The following SYNE1 variants were observed in gnomAD, a reference collection of about 807,000 sequenced individuals.
SYNE1 encodes the protein nesprin-1.
A neutral mutation model predicts 1,111.0 loss-of-function variants in SYNE1; 616 were observed. The observed-to-expected ratio is 0.55, with a 90% CI of 0.52 to 0.59. The LOEUF is 0.59. SYNE1 is among the 20% of genes least tolerant of loss of function. SYNE1 has a pLI of 0.00. For synonymous variants in SYNE1, 3,855 were observed against 3,825.8 expected (o/e 1.01, Z -0.28); for missense variants, 10,006 against 10,417.0 (o/e 0.96, Z 1.72).
At chr6:152,280,171 C>T (rs1302279462) in intron 97 of SYNE1, among the ~76,000 whole-genome samples, 2 of 152,096 alleles carry the variant, frequency 1.3e-5, no homozygotes, top group Non-Finnish European at 2.9e-5. Context: ...TAGTGTGCAA[C>T]TGAATTCATA....
chr6:152,323,255 G>A (rs930978940), intron 82 of SYNE1, among the ~76,000 whole-genome samples: 1 of 152,032 alleles, frequency 6.6e-6, no homozygotes, highest in Non-Finnish European at 1.5e-5. Flanking sequence ...TCAAGACCAC[G>A]GTGAAACCCC....
At chr6:152,428,606 T>C (rs764146142) in intron 36 of SYNE1, among the ~76,000 whole-genome samples, 1 of 152,182 alleles carries the variant, frequency 6.6e-6, no homozygotes, top group Non-Finnish European at 1.5e-5. Flanking sequence ...ATCTATCCTA[T>C]ATTTCAAAAT....
At chr6:152,201,688 T>G (rs913711455) in intron 127 of SYNE1, 136 bp downstream of exon 127, 43 of 1,269,496 alleles carry the variant, frequency 3.4e-5, no homozygotes, top group Non-Finnish European at 4.8e-5. Flanking sequence ...TTCACCTGAG[T>G]TGCCTGTCCT....
At chr6:152,203,607 T>C (rs987436055) in intron 126 of SYNE1, among the ~76,000 whole-genome samples, 2 of 152,204 alleles carry the variant, frequency 1.3e-5, no homozygotes, top group African/African-American at 4.8e-5. Context: ...TTTTCTTATC[T>C]GGATTATTTC....
intron 135 of SYNE1, among the ~76,000 whole-genome samples, chr6:152,150,527 TC>T (rs1484329489): frequency 6.6e-6 from 1 of 152,202 alleles, no homozygotes; most frequent in Non-Finnish European, 1.5e-5. Context: ...GTTTCTTCCA[TC>T]CTGAGAATCC....
chr6:152,255,196 A>C (rs1330160534), intron 103 of SYNE1, 107 bp from the exon 104 acceptor site: 1 of 998,362 alleles, frequency 1.0e-6, no homozygotes, highest in African/African-American at 1.6e-5. Context: ...GCTGCTTAGT[A>C]ATAATCAGAC....
chr6:152,158,305 CCTTTT>C (rs1203157018), intron 131 of SYNE1, among the ~76,000 whole-genome samples: 5 of 152,154 alleles, frequency 3.3e-5, no homozygotes, highest in African/African-American at 7.2e-5. Context: ...AATGTGTTTT[CCTTTT>C]CTTTTATCAG....
At chr6:152,583,945 G>A (rs1193835537) in intron 3 of SYNE1, among the ~76,000 whole-genome samples, 1 of 152,174 alleles carries the variant, frequency 6.6e-6, no homozygotes, top group Non-Finnish European at 1.5e-5. Context: ...CAAGGAAGGA[G>A]AAAAACATCT....
chr6:152,419,966 A>G (rs2098228678), intron 39 of SYNE1, among the ~76,000 whole-genome samples: 1 of 152,200 alleles, frequency 6.6e-6, no homozygotes, highest in Admixed American at 6.5e-5. Context: ...TCCTTTCTTT[A>G]CGAGTGCATC....
chr6:152,202,371 C>CAAAAAAAA (rs11350427), intron 126 of SYNE1, among the ~76,000 whole-genome samples: 2 of 111,016 alleles, frequency 1.8e-5, no homozygotes, highest in Non-Finnish European at 3.6e-5. Flanking sequence ...AAAAAAAAAG[C>CAAAAAAAA]AAAAAAAAAA....
At chr6:152,531,178 G>A (rs180873834) in intron 4 of SYNE1, among the ~76,000 whole-genome samples, 11 of 152,098 alleles carry the variant, frequency 7.2e-5, no homozygotes, top group South Asian at 4.2e-4. Context: ...TTTCCTTTAC[G>A]TGAAAAGATG....
chr6:152,145,917 TG>T (rs1174851618), intron 137 of SYNE1: 1 of 332,976 alleles, frequency 3.0e-6, no homozygotes, highest in African/African-American at 2.2e-5. Flanking sequence ...CCCAGCTACA[TG>T]GGAGTCTGAG....
chr6:152,243,323 T>A (rs906458827), intron 106 of SYNE1, among the ~76,000 whole-genome samples: 1 of 151,954 alleles, frequency 6.6e-6, no homozygotes, highest in Non-Finnish European at 1.5e-5. Context: ...AATAGGGGAG[T>A]TTAATGTGAG....
intron 10 of SYNE1, among the ~76,000 whole-genome samples, chr6:152,499,726 T>C (rs746809429): frequency 2.0e-5 from 3 of 152,210 alleles, no homozygotes; most frequent in Non-Finnish European, 2.9e-5. Flanking sequence ...GTTTATGTAC[T>C]ACATGACAAA....
chr6:152,326,045 C>T lies in SYNE1; in HGVS notation c.15351G>A (p.Met5117Ile). Residue 5117 changes from methionine to isoleucine, a missense_variant, in exon 80 of 146, where the codon ATG (methionine) becomes ATA (isoleucine). Physicochemically the swap from Met to Ile is conservative, Grantham distance 10. This residue lies in a region of SYNE1 where 4,955 missense variants were observed against 5,017.2 expected (regional missense o/e 0.99). Coordinates refer to ENST00000367255, the MANE Select transcript of SYNE1 (RefSeq NM_182961.4). ...CAGACAATTTCTTTTCTGTATCATT[C>T]ATCAATTCAATAACCTCTTCCCTTG... is the stretch of plus-strand genomic sequence containing the variant. ...QKAREEVIEL[M>I]NDTEKKLSEF... is the part of the protein sequence containing the mutation. 6.2e-7 allele frequency: 1 copy of T among 1,614,154 alleles called. No homozygotes were observed. The highest frequency in any genetic ancestry group is 8.5e-7 in the Non-Finnish European group (1 of 1,180,026).
At chr6:152,417,399 G>T (rs2098175572) in intron 40 of SYNE1, among the ~76,000 whole-genome samples, 1 of 152,168 alleles carries the variant, frequency 6.6e-6, no homozygotes, top group Non-Finnish European at 1.5e-5. Flanking sequence ...TCGGGAGGCT[G>T]AGGCAGGAGA....
At chr6:152,542,049 C>T (rs1214489319) in intron 3 of SYNE1, among the ~76,000 whole-genome samples, 1 of 152,140 alleles carries the variant, frequency 6.6e-6, no homozygotes, top group African/African-American at 2.4e-5. Context: ...TACTGAGTAT[C>T]AGCTGTTCAC....
intron 20 of SYNE1, among the ~76,000 whole-genome samples, chr6:152,462,084 C>T (rs1403700744): frequency 8.2e-6 from 1 of 122,276 alleles, no homozygotes; most frequent in Admixed American, 7.5e-5. Context: ...AAAAATTAGA[C>T]TGGTTTTCGT....
At position 152,416,408 on chromosome 6, in the gene SYNE1, G is replaced by A; in HGVS notation, c.6029C>T (p.Thr2010Ile). The A allele has an allele frequency of 6.2e-7, 1 of 1,614,152 alleles. No homozygotes were observed. Among genetic ancestry groups the A allele is most frequent in the Non-Finnish European group, 8.5e-7 (1 of 1,180,042 alleles). ...RTDKERLKEP[T>I]RQALQQRLRV... ...TTACCTCTGCTGAAGAGCTTGGCGGGTAGGTTCTTTCAATCGCTCTTTGTC... is the reference window on the plus strand; with the variant it reads ...TTACCTCTGCTGAAGAGCTTGGCGGATAGGTTCTTTCAATCGCTCTTTGTC... Residue 2010 changes from threonine (T) to isoleucine (I), a missense_variant, in exon 41 of 146, where the codon ACC becomes ATC. Thr to Ile is a moderately conservative substitution (Grantham distance 89). Coordinates refer to ENST00000367255, the MANE Select transcript of SYNE1 (RefSeq NM_182961.4).
Sources: allele counts gnomAD v4.1 joint callset (sites outside exome capture counted in the v4.1 genomes callset), GRCh38; gene constraint gnomAD v4.1.1; regional missense constraint gnomAD v4.1.1; transcripts MANE v1.5; gene names NCBI Gene and HGNC (gene_info 2026-07-23, HGNC 2026-07-21).